Variants in PIAS4 observed in about 807,000 individuals in gnomAD.
PIAS4 encodes E3 SUMO-protein ligase PIAS4.
Under a neutral mutation model 58.0 loss-of-function variants are expected in PIAS4, and 7 were observed. That is an observed-to-expected ratio of 0.12 (90% CI 0.07 to 0.23). PIAS4 has a LOEUF of 0.23. Among genes scored for constraint, PIAS4 ranks in the 10% least tolerant of loss-of-function variants. PIAS4 has a pLI of 1.00. For synonymous variants in PIAS4, 364 were observed against 312.4 expected, an observed-to-expected ratio of 1.17 and a Z score of -1.74; for missense variants, 550 against 709.5, an observed-to-expected ratio of 0.78 and a Z score of 2.55.
intron 1 of PIAS4, 100 bp downstream of exon 1, chr19:4,007,887 G>C: frequency 2.2e-5 from 20 of 928,410 alleles, no homozygotes; most frequent in Non-Finnish European, 2.8e-5. Flanking sequence ...GCCCCACAGC[G>C]CGGCCGGCCC....
intron 5 of PIAS4, 44 bp downstream of exon 5, chr19:4,028,644 G>C (rs769765041): frequency 1.9e-6 from 3 of 1,607,554 alleles, no homozygotes; most frequent in South Asian, 2.2e-5. Context: ...GGTTTGGGGG[G>C]CGTGGAGGGA....
chr19:4,011,412 C>T (rs936844622), intron 1 of PIAS4, among the ~76,000 whole-genome samples: 2 of 152,238 alleles, frequency 1.3e-5, no homozygotes, highest in Non-Finnish European at 1.5e-5. Context: ...GGTCCTACCC[C>T]TCATGGAGGT....
intron 2 of PIAS4, among the ~76,000 whole-genome samples, chr19:4,023,553 C>T (rs867059862): frequency 9.8e-5 from 15 of 152,346 alleles, no homozygotes; most frequent in Middle Eastern, 6.8e-3. Flanking sequence ...GAGGGTAGGG[C>T]CCAGGCTTGT....
rs372574439 is a variant in PIAS4 at position 4,037,609 on chromosome 19, C to T, written c.1274-7C>T. The T allele has an allele frequency of 2.1e-5, 34 of 1,609,204 alleles. No individual in the cohort carries two copies. The African/African-American group carries it at 3.7e-4, about 18-fold the overall frequency. On this transcript the variant is annotated splice_polypyrimidine_tract_variant and splice_region_variant and intron_variant, in intron 10 of 10. Coordinates refer to ENST00000262971, the MANE Select transcript of PIAS4 (RefSeq NM_015897.4). The surrounding 1 kb of genome is among the most constrained non-coding windows in gnomAD (Gnocchi z 5.8). The stretch of plus-strand genomic sequence containing the variant: ...AAGTACCTGCACCCTGTCCCTGTTG[C>T]CCGTAGGCCCCTCGGACGCCAATGG...
intron 7 of PIAS4, 44 bp downstream of exon 7, chr19:4,029,080 C>A: frequency 7.1e-7 from 1 of 1,405,330 alleles, no homozygotes; most frequent in South Asian, 1.2e-5. Flanking sequence ...CCAAGTCCAC[C>A]CTGGAAACCC....
At chr19:4,010,522 T>C (rs1379744531) in intron 1 of PIAS4, among the ~76,000 whole-genome samples, 3 of 152,238 alleles carry the variant, frequency 2.0e-5, no homozygotes, top group African/African-American at 7.2e-5. Flanking sequence ...CCAAGGGAGA[T>C]GAGGCATTTT....
At chr19:4,024,232 G>T (rs1203417942) in intron 3 of PIAS4, 112 bp downstream of exon 3, 20 of 777,056 alleles carry the variant, frequency 2.6e-5, no homozygotes, top group Non-Finnish European at 2.4e-5. Flanking sequence ...CTCGGGCTCA[G>T]TCCAGAACCG....
At chr19:4,018,728 G>A (rs2040077602) in intron 2 of PIAS4, 1 of 152,312 alleles carries the variant, frequency 6.6e-6, no homozygotes, top group Non-Finnish European at 1.5e-5. Flanking sequence ...CGCTCCTTAG[G>A]AGGAGAAGGT....
chr19:4,011,461 T>A (rs1041832205), intron 1 of PIAS4, among the ~76,000 whole-genome samples: 2 of 152,234 alleles, frequency 1.3e-5, no homozygotes, highest in Non-Finnish European at 2.9e-5. Flanking sequence ...AACACCAGGG[T>A]CAGCTGGGCT....
At chr19:4,016,920 C>G (rs548651338) in intron 2 of PIAS4, among the ~76,000 whole-genome samples, 1 of 152,122 alleles carries the variant, frequency 6.6e-6, no homozygotes, top group Admixed American at 6.5e-5. Flanking sequence ...CCTGCTTGCC[C>G]CGAGGGCTTC....
rs917844057 is a variant in PIAS4 at position 4,038,715 on chromosome 19, A to AGCGGCC, written c.*842_*843insGGCCGC. 2 of 154,004 alleles carry AGCGGCC rather than the reference A, an allele frequency of 1.3e-5. No homozygotes were observed. Among genetic ancestry groups the AGCGGCC allele is most frequent in the African/African-American group, 4.8e-5 (2 of 41,328 alleles). The allele number at this position is 154,004 out of a possible 1,614,324, so 9.5% of individuals were successfully genotyped here. A position where few individuals can be genotyped will look rare whatever the true frequency, so the allele number is the denominator to read the frequency against. ...AGCACAGATGTCCACAGATGTCCAC[A>AGCGGCC]GCTGCCGCCGCCGCCGCCGCCACCA... is the stretch of plus-strand genomic sequence containing the variant. On this transcript the variant is annotated 3_prime_UTR_variant, in exon 11 of 11. Coordinates refer to ENST00000262971, the MANE Select transcript of PIAS4 (RefSeq NM_015897.4). The surrounding 1 kb of genome is among the most constrained non-coding windows in gnomAD (Gnocchi z 4.1).
At chr19:4,010,291 G>A (rs945020931) in intron 1 of PIAS4, among the ~76,000 whole-genome samples, 2 of 152,196 alleles carry the variant, frequency 1.3e-5, no homozygotes, top group Non-Finnish European at 2.9e-5. Context: ...GGTGTGCTCC[G>A]GGAAGCGGGA....
chr19:4,011,036 G>A (rs1487466079), intron 1 of PIAS4, among the ~76,000 whole-genome samples: 1 of 152,242 alleles, frequency 6.6e-6, no homozygotes, highest in Non-Finnish European at 1.5e-5. Flanking sequence ...CTTTGGTGCT[G>A]AAATGTGCGG....
intron 7 of PIAS4, among the ~76,000 whole-genome samples, chr19:4,031,318 G>A (rs185021501): frequency 2.0e-3 from 312 of 152,286 alleles, no homozygotes; most frequent in Middle Eastern, 3.4e-3. Flanking sequence ...AAAGATAGCC[G>A]GCAGCACCCC....
chr19:4,022,692 G>GT (rs1324742632), intron 2 of PIAS4, among the ~76,000 whole-genome samples: 1 of 151,216 alleles, frequency 6.6e-6, no homozygotes, highest in Non-Finnish European at 1.5e-5. Flanking sequence ...GTTTTTTTGG[G>GT]TTTTTTTGGA....
intron 7 of PIAS4, 57 bp from the exon 8 acceptor site, chr19:4,033,043 G>A (rs2040237194): frequency 7.1e-7 from 1 of 1,400,788 alleles, no homozygotes; most frequent in African/African-American, 1.4e-5. Flanking sequence ...TCGAATCACA[G>A]CCCCGCGCCC....
At chr19:4,035,721 G>T (rs1160501297) in intron 9 of PIAS4, among the ~76,000 whole-genome samples, 1 of 47,512 alleles carries the variant, frequency 2.1e-5, no homozygotes, top group Non-Finnish European at 4.8e-5. Flanking sequence ...ACCCACACCC[G>T]CATGCCCACA....
intron 2 of PIAS4, among the ~76,000 whole-genome samples, chr19:4,015,965 G>A (rs1238204208): frequency 6.6e-6 from 1 of 152,230 alleles, no homozygotes; most frequent in Non-Finnish European, 1.5e-5. Context: ...CGGCTCCAGT[G>A]GGAGGTGCCG....
chr19:4,010,573 T>C (rs952770347), intron 1 of PIAS4, among the ~76,000 whole-genome samples: 2 of 152,348 alleles, frequency 1.3e-5, no homozygotes, highest in African/African-American at 4.8e-5. Flanking sequence ...CAGCAGACCA[T>C]GCAGGTCCCC....
Sources: gnomAD v4.1 joint callset for allele counts (sites outside exome capture counted in the v4.1 genomes callset) on GRCh38, gnomAD v4.1.1 for gene constraint, Gnocchi (gnomAD v3.1) non-coding constraint, MANE v1.5 for transcripts, NCBI Gene and HGNC (gene_info 2026-07-23, HGNC 2026-07-21) for gene names.